The following HSD17B12 variants were observed in gnomAD, a reference collection of about 807,000 sequenced individuals.
The protein encoded by HSD17B12 is hydroxysteroid 17-beta dehydrogenase 12, also known as very-long-chain 3-oxoacyl-CoA reductase.
In HSD17B12, 32 loss-of-function variants were observed where a neutral mutation model predicts 39.3. The observed-to-expected ratio is 0.81, with a 90% CI of 0.61 to 1.09. HSD17B12 has a LOEUF of 1.09. Among genes scored for constraint, HSD17B12 ranks in the 50% least tolerant of loss-of-function variants. The pLI, the probability that HSD17B12 is intolerant of heterozygous loss-of-function variation, is 0.00. For synonymous variants in HSD17B12, 150 were observed against 146.7 expected (o/e 1.02, Z -0.16); for missense variants, 342 against 382.9 (o/e 0.89, Z 0.89).
At chr11:43,654,580 T>G in the HSD17B12 span, among the ~76,000 whole-genome samples, 1 of 152,068 alleles carries the variant, frequency 6.6e-6, no homozygotes, top group Non-Finnish European at 1.5e-5. Flanking sequence ...GTATAAGATG[T>G]AAGGAAGGGA....
the HSD17B12 span, among the ~76,000 whole-genome samples, chr11:43,614,069 T>C: frequency 6.6e-6 from 1 of 152,220 alleles, no homozygotes; most frequent in African/African-American, 2.4e-5. Context: ...AGCCACACTT[T>C]TACACAATTA....
chr11:43,755,599 A>G (rs1950501502), intron 3 of HSD17B12: 1 of 152,264 alleles, frequency 6.6e-6, no homozygotes. Context: ...TCTTTCAATG[A>G]GAATTGATGA....
chr11:43,668,060 C>T, the HSD17B12 span, among the ~76,000 whole-genome samples: 107,619 of 151,986 alleles, frequency 0.71, 38,670 homozygotes, highest in East Asian at 0.97. Flanking sequence ...GATACACTTC[C>T]TTACGGAACA....
chr11:43,710,382 T>G (rs1950053840), intron 1 of HSD17B12, among the ~76,000 whole-genome samples: 1 of 152,218 alleles, frequency 6.6e-6, no homozygotes, highest in South Asian at 2.1e-4. Flanking sequence ...CATGGTAGAC[T>G]TTCAAAATGA....
chr11:43,770,568 A>G (rs958492762), intron 3 of HSD17B12, among the ~76,000 whole-genome samples: 1 of 152,106 alleles, frequency 6.6e-6, no homozygotes, highest in Admixed American at 6.5e-5. Flanking sequence ...TGTCTCTACA[A>G]ATATAAAAAG....
At chr11:43,720,694 A>T (rs1370055028) in intron 1 of HSD17B12, among the ~76,000 whole-genome samples, 1 of 152,230 alleles carries the variant, frequency 6.6e-6, no homozygotes, top group Non-Finnish European at 1.5e-5. Context: ...GAGCATGTGG[A>T]ATGGGATGAC....
chr11:43,605,512 G>T, the HSD17B12 span, among the ~76,000 whole-genome samples: 1 of 144,108 alleles, frequency 6.9e-6, no homozygotes, highest in Admixed American at 7.3e-5. Context: ...GGTGAGCCAA[G>T]ATCACGCCAT....
the HSD17B12 span, among the ~76,000 whole-genome samples, chr11:43,571,124 T>C: frequency 6.6e-6 from 1 of 152,212 alleles, no homozygotes; most frequent in Non-Finnish European, 1.5e-5. Context: ...GCTTTAATAG[T>C]GAATGAATAA....
At chr11:43,610,655 G>T in the HSD17B12 span, among the ~76,000 whole-genome samples, 11 of 152,236 alleles carry the variant, frequency 7.2e-5, no homozygotes, top group East Asian at 1.5e-3. Flanking sequence ...GTAAAGATGG[G>T]TTCCACTTCA....
chr11:43,617,092 T>C, the HSD17B12 span, among the ~76,000 whole-genome samples: 1 of 152,138 alleles, frequency 6.6e-6, no homozygotes, highest in Non-Finnish European at 1.5e-5. Context: ...ATGGACACTC[T>C]ATTGGTCCAC....
intron 3 of HSD17B12, among the ~76,000 whole-genome samples, chr11:43,776,698 G>A (rs1490026158): frequency 1.3e-5 from 2 of 152,174 alleles, no homozygotes; most frequent in Admixed American, 6.5e-5. Flanking sequence ...TGTCCTGAAC[G>A]GTAATGCCTA....
the HSD17B12 span, chr11:43,644,609 TC>T: frequency 6.6e-6 from 1 of 152,540 alleles, no homozygotes; most frequent in African/African-American, 2.4e-5. Context: ...TTTGGCTCTG[TC>T]CATATGGCTG....
chr11:43,819,695 C>A (rs1364057048), intron 6 of HSD17B12, among the ~76,000 whole-genome samples: 1 of 152,156 alleles, frequency 6.6e-6, no homozygotes, highest in African/African-American at 2.4e-5. Flanking sequence ...TTAGTGGAGA[C>A]AAATGCTAAT....
intron 9 of HSD17B12, chr11:43,853,322 G>A (rs1174871535): frequency 4.0e-5 from 5 of 124,038 alleles, no homozygotes; most frequent in East Asian, 5.5e-4. Flanking sequence ...GGGGACTCTC[G>A]CTGAGACTCT....
At chr11:43,576,289 A>C in the HSD17B12 span, among the ~76,000 whole-genome samples, 2 of 152,220 alleles carry the variant, frequency 1.3e-5, no homozygotes, top group Non-Finnish European at 2.9e-5. Flanking sequence ...GCAGGAAAAA[A>C]AAGTGAGGAG....
the HSD17B12 span, among the ~76,000 whole-genome samples, chr11:43,608,889 G>C: frequency 6.6e-5 from 10 of 152,054 alleles, no homozygotes; most frequent in African/African-American, 2.4e-4. Flanking sequence ...GGGACCCTCT[G>C]AGGTTTAGAA....
chr11:43,767,174 T>A (rs916449813), intron 3 of HSD17B12, among the ~76,000 whole-genome samples: 3 of 151,804 alleles, frequency 2.0e-5, no homozygotes, highest in Non-Finnish European at 2.9e-5. Flanking sequence ...TCTTTCCAAT[T>A]GGATTATTGA....
At chr11:43,634,001 G>A in the HSD17B12 span, among the ~76,000 whole-genome samples, 2 of 139,280 alleles carry the variant, frequency 1.4e-5, no homozygotes, top group East Asian at 2.3e-4. Flanking sequence ...TTGAACCCGG[G>A]AGGCGGAGGT....
intron 1 of HSD17B12, among the ~76,000 whole-genome samples, chr11:43,702,367 T>G (rs189678002): frequency 6.6e-6 from 1 of 152,334 alleles, no homozygotes; most frequent in African/African-American, 2.4e-5. Flanking sequence ...AGTACTATGT[T>G]GAATAACAGT....
Sources: allele counts gnomAD v4.1 joint callset (sites outside exome capture counted in the v4.1 genomes callset), GRCh38; gene constraint gnomAD v4.1.1; transcripts MANE v1.5; gene names NCBI Gene and HGNC (gene_info 2026-07-23, HGNC 2026-07-21).